The following MAGI1 variants were observed in gnomAD, a reference collection of about 807,000 sequenced individuals.
The protein encoded by MAGI1 is membrane associated guanylate kinase, WW and PDZ domain containing 1, also known as membrane-associated guanylate kinase, WW and PDZ domain-containing protein 1.
A neutral mutation model predicts 139.9 loss-of-function variants in MAGI1; 58 were observed. The observed-to-expected ratio is 0.41, with a 90% CI of 0.34 to 0.52. MAGI1 has a LOEUF of 0.52. Among genes scored for constraint, MAGI1 ranks in the 20% least tolerant of loss-of-function variants. The pLI, the probability that MAGI1 is intolerant of heterozygous loss-of-function variation, is 0.12. For synonymous variants in MAGI1, 812 were observed against 737.9 expected (o/e 1.10, Z -1.63); for missense variants, 1,874 against 1,901.6 (o/e 0.99, Z 0.27).
intron 1 of MAGI1, among the ~76,000 whole-genome samples, chr3:65,793,520 A>G (rs1034857062): frequency 6.6e-6 from 1 of 152,250 alleles, no homozygotes; most frequent in East Asian, 1.9e-4. Flanking sequence ...TGGAGCTGGG[A>G]GCTTTAATCT....
intron 4 of MAGI1, among the ~76,000 whole-genome samples, chr3:65,473,727 T>C (rs1247894268): frequency 2.1e-5 from 3 of 142,250 alleles, no homozygotes; most frequent in Non-Finnish European, 4.6e-5. Flanking sequence ...AATCTCTTAG[T>C]AATTTTAATT....
rs1349095906 is a variant in MAGI1 at position 65,538,954 on chromosome 3, AACTACCATCAAAC to A, written c.431-45336_431-45324del. On this transcript the variant is annotated intron_variant, in intron 2 of 22. Coordinates refer to ENST00000402939, the MANE Select transcript of MAGI1 (RefSeq NM_001033057.2). ...CTACCGTCAACCACAAACATGTACT[AACTACCATCAAAC>A]AGACACATATACCAACTACCATCAA... Among the ~76,000 whole-genome samples the A allele has an allele frequency of 1.1e-3, 126 of 118,510 alleles. 1 individual carries two copies. The highest frequency in any genetic ancestry group is 1.7e-3 in the Admixed American group (18 of 10,880). 77.7% of individuals were successfully genotyped at this position (118,510 alleles called of 152,430 possible). A position where few individuals can be genotyped will look rare whatever the true frequency, so the allele number is the denominator to read the frequency against.
At chr3:65,750,578 A>G (rs2036063413) in intron 1 of MAGI1, among the ~76,000 whole-genome samples, 1 of 152,240 alleles carries the variant, frequency 6.6e-6, no homozygotes, top group Non-Finnish European at 1.5e-5. Context: ...ATGGGAATCA[A>G]AACTCTGAGA....
At chr3:65,833,054 C>G (rs184516432) in intron 1 of MAGI1, among the ~76,000 whole-genome samples, 7 of 152,086 alleles carry the variant, frequency 4.6e-5, no homozygotes, top group Non-Finnish European at 1.0e-4. Context: ...AAATAAATGA[C>G]TTTTCCAACA....
intron 12 of MAGI1, 50 bp downstream of exon 12, chr3:65,429,470 A>C: frequency 6.6e-7 from 1 of 1,525,970 alleles, no homozygotes; most frequent in Non-Finnish European, 8.8e-7. Context: ...AAGTTAAGCA[A>C]TGAATTTGGG....
At chr3:65,735,432 A>G (rs773468324) in intron 1 of MAGI1, among the ~76,000 whole-genome samples, 1 of 151,878 alleles carries the variant, frequency 6.6e-6, no homozygotes, top group Non-Finnish European at 1.5e-5. Context: ...AGGTTATGCA[A>G]GATGGTGAGA....
At chr3:65,463,967 G>A (rs1949997272) in intron 5 of MAGI1, among the ~76,000 whole-genome samples, 3 of 152,112 alleles carry the variant, frequency 2.0e-5, no homozygotes, top group African/African-American at 4.8e-5. Flanking sequence ...AGGATCAGTG[G>A]TGATATCCCC....
chr3:65,898,608 A>G (rs1224650839), intron 1 of MAGI1, among the ~76,000 whole-genome samples: 4 of 152,184 alleles, frequency 2.6e-5, no homozygotes, highest in Non-Finnish European at 5.9e-5. Context: ...AAAAGTTCCT[A>G]TTATTTTGAA....
At chr3:65,896,220 T>C (rs1365225861) in intron 1 of MAGI1, among the ~76,000 whole-genome samples, 2 of 152,090 alleles carry the variant, frequency 1.3e-5, no homozygotes, top group South Asian at 2.1e-4. Context: ...GGAAGAAAAC[T>C]GAAGTCCCAG....
intron 2 of MAGI1, among the ~76,000 whole-genome samples, chr3:65,598,391 AG>A (rs1030587302): frequency 4.6e-5 from 7 of 152,156 alleles, no homozygotes; most frequent in African/African-American, 1.7e-4. Context: ...GGGCGAGGGA[AG>A]GGGCGTGACT....
At chr3:65,658,078 G>A (rs926090910) in intron 1 of MAGI1, among the ~76,000 whole-genome samples, 2 of 152,156 alleles carry the variant, frequency 1.3e-5, no homozygotes, top group South Asian at 2.1e-4. Context: ...AAAATGATGT[G>A]GAAGTCACAC....
intron 1 of MAGI1, among the ~76,000 whole-genome samples, chr3:65,648,295 G>GTA: frequency 6.8e-6 from 1 of 146,674 alleles, no homozygotes; most frequent in South Asian, 2.1e-4. Flanking sequence ...CAGGCCGTGT[G>GTA]TGTGTGTGTG....
At chr3:65,636,748 A>G (rs1213450404) in intron 1 of MAGI1, among the ~76,000 whole-genome samples, 1 of 151,932 alleles carries the variant, frequency 6.6e-6, no homozygotes, top group Non-Finnish European at 1.5e-5. Flanking sequence ...ACATTAAGCC[A>G]TTTATTTTCT....
intron 5 of MAGI1, among the ~76,000 whole-genome samples, chr3:65,455,835 T>G (rs1283248953): frequency 6.6e-6 from 1 of 152,222 alleles, no homozygotes; most frequent in African/African-American, 2.4e-5. Context: ...TCAGCATAAT[T>G]CTCATCAAGA....
At chr3:66,020,130 T>C (rs1019377945) in intron 1 of MAGI1, among the ~76,000 whole-genome samples, 1 of 152,206 alleles carries the variant, frequency 6.6e-6, no homozygotes. Context: ...TTTGCCCCTG[T>C]TATCCATCTG....
At chr3:65,455,061 TA>T (rs1949301748) in intron 5 of MAGI1, among the ~76,000 whole-genome samples, 1 of 152,146 alleles carries the variant, frequency 6.6e-6, no homozygotes, top group African/African-American at 2.4e-5. Context: ...CACAGTAAGA[TA>T]ATAACAAGGA....
In MAGI1 at chr3:65,685,245, T is replaced by A. The variant is rs140878074; in HGVS notation, c.314-63157A>T. ...CATAACAGAAGTGAAAATACCAGCA[T>A]ACAAAAGTAGTGAAACTATTCTAAT... is the stretch of plus-strand genomic sequence containing the variant. On this transcript the variant is annotated intron_variant, in intron 1 of 22. Transcript: ENST00000402939. 8.3e-3 allele frequency among the ~76,000 whole-genome samples: 1,262 copies of A among 151,388 alleles called. 20 individuals are homozygous for A. Among genetic ancestry groups the A allele is most frequent in the African/African-American group, 0.029 (1,185 of 41,182 alleles).
At chr3:65,671,151 T>C (rs2086833641) in intron 1 of MAGI1, among the ~76,000 whole-genome samples, 1 of 152,182 alleles carries the variant, frequency 6.6e-6, no homozygotes, top group Non-Finnish European at 1.5e-5. Context: ...ATGAGACAAC[T>C]GAGCTTCAAG....
chr3:65,897,685 C>T (rs551760323), intron 1 of MAGI1, among the ~76,000 whole-genome samples: 3 of 151,716 alleles, frequency 2.0e-5, no homozygotes, highest in Non-Finnish European at 4.4e-5. Flanking sequence ...CAAAAAAGAA[C>T]CTGTCTCCAC....
Sources: gnomAD v4.1 joint callset for allele counts (sites outside exome capture counted in the v4.1 genomes callset) on GRCh38, gnomAD v4.1.1 for gene constraint, MANE v1.5 for transcripts, NCBI Gene and HGNC (gene_info 2026-07-23, HGNC 2026-07-21) for gene names.